The following ROBO2 variants were observed in gnomAD, a reference collection of about 807,000 sequenced individuals.
ROBO2 encodes the protein roundabout guidance receptor 2, also known as roundabout homolog 2.
ROBO2 carries 53 observed loss-of-function variants against 160.8 expected under a neutral mutation model. That is an observed-to-expected ratio of 0.33 (90% confidence interval 0.26 to 0.41). The LOEUF (loss-of-function observed/expected upper bound fraction) is 0.41, where lower values mean the gene tolerates loss of function less well. Among genes scored for constraint, ROBO2 ranks in the 10% least tolerant of loss-of-function variants. The pLI is 1.00. For missense variants in ROBO2, 1,577 were observed against 1,722.4 expected (o/e 0.92, Z 1.49); for synonymous variants, 664 against 611.7 (o/e 1.09, Z -1.26).
chr3:76,567,946 C>A (rs1165800604), intron 2 of ROBO2, among the ~76,000 whole-genome samples: 1 of 150,010 alleles, frequency 6.7e-6, no homozygotes, highest in Admixed American at 6.7e-5. Context: ...TTCTGTGTAG[C>A]TGGGACTGCA....
At chr3:76,439,012 G>A (rs2076806273) in intron 2 of ROBO2, among the ~76,000 whole-genome samples, 1 of 152,132 alleles carries the variant, frequency 6.6e-6, no homozygotes, top group Admixed American at 6.6e-5. Flanking sequence ...AGTTGTGATT[G>A]TGTGTTGCTG....
intron 2 of ROBO2, among the ~76,000 whole-genome samples, chr3:76,888,990 G>T (rs551963488): frequency 7.6e-4 from 115 of 152,246 alleles, no homozygotes; most frequent in Middle Eastern, 3.4e-3. Flanking sequence ...TCAGAATGTT[G>T]GGAAGGATCT....
upstream of ROBO2, among the ~76,000 whole-genome samples, chr3:77,034,914 CA>C (rs2063538103): frequency 6.6e-6 from 1 of 151,506 alleles, no homozygotes; most frequent in Admixed American, 6.6e-5. Flanking sequence ...GTAAAATTAG[CA>C]AAAAGTGTAT....
At chr3:76,244,473 G>T (rs1174633677) in intron 2 of ROBO2, among the ~76,000 whole-genome samples, 1 of 152,136 alleles carries the variant, frequency 6.6e-6, no homozygotes, top group Non-Finnish European at 1.5e-5. Flanking sequence ...TATGTGGATG[G>T]CAATGGAGAA....
rs546667244 is a variant in ROBO2, at chr3:77,348,641, G to T, written c.389-128773G>T. The stretch of plus-strand genomic sequence containing the variant: ...TCACACGCCTCTGACAAAGCTATTT[G>T]TTCTATTTTCAGAATATGTCCAGAT... On this transcript the variant is annotated intron_variant, in intron 2 of 25. Coordinates refer to ENST00000461745, the Ensembl canonical transcript of ROBO2. Among the ~76,000 whole-genome samples, 11 of 152,240 alleles carry T rather than the reference G, an allele frequency of 7.2e-5. 1 individual carries two copies. In the South Asian group the frequency reaches 2.3e-3, roughly 32 times the overall value.
intron 2 of ROBO2, among the ~76,000 whole-genome samples, chr3:76,764,586 A>T (rs572572699): frequency 2.6e-5 from 4 of 151,610 alleles, no homozygotes; most frequent in Non-Finnish European, 5.9e-5. Flanking sequence ...TTTTACTACC[A>T]CTTATATATC....
chr3:76,655,268 C>G (rs1330317515), intron 2 of ROBO2, among the ~76,000 whole-genome samples: 1 of 149,316 alleles, frequency 6.7e-6, no homozygotes, highest in East Asian at 2.0e-4. Flanking sequence ...TATTATATAG[C>G]CTTGAAAATG....
chr3:75,997,520 T>A (rs1006906625), intron 2 of ROBO2, among the ~76,000 whole-genome samples: 5 of 148,888 alleles, frequency 3.4e-5, no homozygotes, highest in African/African-American at 1.2e-4. Flanking sequence ...TGAGACGGAG[T>A]CTCTCTCTGT....
At chr3:77,371,161 T>C (rs899272889) in intron 2 of ROBO2, among the ~76,000 whole-genome samples, 3 of 152,190 alleles carry the variant, frequency 2.0e-5, no homozygotes, top group Non-Finnish European at 4.4e-5. Context: ...TTCTTAAAAA[T>C]GCTTTATGTT....
intron 2 of ROBO2, among the ~76,000 whole-genome samples, chr3:76,417,297 T>G (rs960508374): frequency 1.4e-4 from 21 of 152,218 alleles, no homozygotes; most frequent in African/African-American, 5.1e-4. Context: ...TCTTGTTAGC[T>G]GAAAAGCCAG....
At chr3:77,260,499 C>A (rs549763638) in intron 2 of ROBO2, among the ~76,000 whole-genome samples, 1 of 152,158 alleles carries the variant, frequency 6.6e-6, no homozygotes, top group African/African-American at 2.4e-5. Context: ...TCCTTAGAAC[C>A]ATGATTTAGG....
At chr3:76,109,307 A>G (rs185103153) in intron 2 of ROBO2, among the ~76,000 whole-genome samples, 9 of 152,206 alleles carry the variant, frequency 5.9e-5, no homozygotes, top group African/African-American at 2.2e-4. Flanking sequence ...GGTAGGAACA[A>G]AATTAGAGGC....
intron 1 of ROBO2, among the ~76,000 whole-genome samples, chr3:75,907,763 A>G (rs1351652369): frequency 6.6e-6 from 1 of 152,152 alleles, no homozygotes; most frequent in Non-Finnish European, 1.5e-5. Context: ...ATTGATAGAG[A>G]AATTCTGGGC....
chr3:76,391,523 T>C (rs1015761935), intron 2 of ROBO2, among the ~76,000 whole-genome samples: 176 of 82,528 alleles, frequency 2.1e-3, no homozygotes, highest in African/African-American at 0.021. Context: ...TGGTGATACT[T>C]TTTTTTTTTT....
At chr3:76,587,286 C>T (rs1019602094) in intron 2 of ROBO2, among the ~76,000 whole-genome samples, 14 of 152,018 alleles carry the variant, frequency 9.2e-5, no homozygotes, top group African/African-American at 2.2e-4. Flanking sequence ...TCCAATTTAC[C>T]GGTGTATCTA....
intron 2 of ROBO2, among the ~76,000 whole-genome samples, chr3:77,105,395 A>C (rs999040774): frequency 6.6e-6 from 1 of 152,150 alleles, no homozygotes; most frequent in Non-Finnish European, 1.5e-5. Context: ...GTGAGATTTC[A>C]TATATTTTTG....
intron 2 of ROBO2, among the ~76,000 whole-genome samples, chr3:76,804,584 T>C (rs913178617): frequency 2.0e-5 from 3 of 152,138 alleles, no homozygotes; most frequent in Non-Finnish European, 4.4e-5. Flanking sequence ...AAAGTTAAGG[T>C]TTTGAGAGCA....
Position 76,331,439 on chromosome 3 carries a change from A to T in ROBO2, c.109+393837A>T, listed in dbSNP as rs542227163. 2.6e-5 allele frequency among the ~76,000 whole-genome samples: 4 copies of T among 152,078 alleles called. No homozygotes were observed. In the South Asian group the frequency reaches 8.3e-4, roughly 31 times the overall value. Reference sequence around the variant, plus strand: ...CTTTTTTTATATGTAACCTGTTCTCATTCCCATTAAATCTAATCTTCATTC... The same window carrying T: ...CTTTTTTTATATGTAACCTGTTCTCTTTCCCATTAAATCTAATCTTCATTC... On this transcript the variant is annotated intron_variant, in intron 2 of 26. Transcript: ENST00000487694.
At chr3:76,069,863 T>C (rs1183739900) in intron 2 of ROBO2, among the ~76,000 whole-genome samples, 2 of 152,196 alleles carry the variant, frequency 1.3e-5, no homozygotes, top group Non-Finnish European at 2.9e-5. Flanking sequence ...GAAGATTTTA[T>C]GGACATTTAT....
Sources: allele counts gnomAD v4.1 joint callset (sites outside exome capture counted in the v4.1 genomes callset), GRCh38; gene constraint gnomAD v4.1.1; transcripts MANE v1.5; gene names NCBI Gene and HGNC (gene_info 2026-07-23, HGNC 2026-07-21).